The following VNN1 variants were observed in gnomAD, a reference collection of about 807,000 sequenced individuals.
The protein encoded by VNN1 is vanin 1.
In VNN1, 29 loss-of-function variants were observed where a neutral mutation model predicts 41.9. The observed-to-expected ratio is 0.69, with a 90% CI of 0.52 to 0.94. VNN1 has a LOEUF of 0.94. Among genes scored for constraint, VNN1 ranks in the 40% least tolerant of loss-of-function variants. VNN1 has a pLI of 0.00. For missense variants in VNN1, 637 were observed against 621.1 expected (o/e 1.03, Z -0.27); for synonymous variants, 233 against 224.4 (o/e 1.04, Z -0.34).
In VNN1 at chr6:132,710,073, G is replaced by A. The variant is rs45446694; in HGVS notation, c.341+1636C>T. On this transcript the variant is annotated intron_variant, in intron 2 of 6. Transcript: ENST00000367928. ...TGTTTGTTTGTTTGTTTTTGAGACA[G>A]AGTCTAGCTCTGTTACCCAGGCTGG... Among the ~76,000 whole-genome samples the A allele has an allele frequency of 3.3e-4, 50 of 152,220 alleles. No individual in the cohort carries two copies. In the South Asian group the frequency reaches 0.01, roughly 32 times the overall value.
chr6:132,691,205 G>C lies in VNN1; in HGVS notation c.1188+1018C>G, dbSNP rs575194759. On this transcript the variant is annotated intron_variant, in intron 5 of 6. Coordinates refer to ENST00000367928, the MANE Select transcript of VNN1 (RefSeq NM_004666.3). ...AAGAAATTTGATTTGTCAATTAGAA[G>C]TCAGTGAAGAATTTTAAGCCAGACA... 3.6e-4 allele frequency among the ~76,000 whole-genome samples: 55 copies of C among 152,300 alleles called. No individual in the cohort carries two copies. The South Asian group carries it at 0.011, about 31-fold the overall frequency.
intron 2 of VNN1, among the ~76,000 whole-genome samples, chr6:132,698,091 C>T (rs1212426456): frequency 1.3e-5 from 2 of 152,226 alleles, no homozygotes; most frequent in African/African-American, 2.4e-5. Context: ...AATTAGACCA[C>T]ATGTCCTAAT....
chr6:132,688,665 A>C (rs1778238014), intron 5 of VNN1, among the ~76,000 whole-genome samples: 2 of 152,214 alleles, frequency 1.3e-5, no homozygotes, highest in Non-Finnish European at 2.9e-5. Flanking sequence ...TAATTTTAAA[A>C]ATTTATATAG....
chr6:132,699,099 C>A (rs1409891498), intron 2 of VNN1: 2 of 289,902 alleles, frequency 6.9e-6, no homozygotes, highest in South Asian at 8.7e-5. Flanking sequence ...GCTGTAAAAT[C>A]AATAGAAGAG....
At position 132,691,278 on chromosome 6, in the gene VNN1, G is replaced by A. The variant is rs570800716; in HGVS notation, c.1188+945C>T. ...TTTGTGATTTCTGTAACTACAATAT[G>A]GAGAACTGACTGGATGGAGCTGAGA... is the stretch of plus-strand genomic sequence containing the variant. On this transcript the variant is annotated intron_variant, in intron 5 of 6. Transcript: ENST00000367928. Among the ~76,000 whole-genome samples, 4 of 152,312 alleles carry A rather than the reference G, an allele frequency of 2.6e-5. No individual in the cohort carries two copies. The South Asian group carries it at 8.3e-4, about 32-fold the overall frequency.
chr6:132,685,086 CT>C (rs1778187743), intron 5 of VNN1, among the ~76,000 whole-genome samples: 1 of 152,208 alleles, frequency 6.6e-6, no homozygotes, highest in Non-Finnish European at 1.5e-5. Flanking sequence ...AATAAAAGAG[CT>C]TCAGAGTTGT....
rs1008433378 is a variant in VNN1 at position 132,693,188 on chromosome 6, A to G, written c.662T>C (p.Val221Ala). The G allele has an allele frequency of 7.4e-6, 12 of 1,614,082 alleles. No homozygotes were observed. Among genetic ancestry groups the G allele is most frequent in the African/African-American group, 1.3e-5 (1 of 74,940 alleles). Residue 221 changes from valine (V) to alanine (A), a missense_variant, in exon 4 of 7, where the codon GTT becomes GCT. Physicochemically the swap from Val to Ala is moderately conservative, Grantham distance 64. Transcript: ENST00000367928. The part of the protein sequence containing the change: ...CFDILFHDPA[V>A]TLVKDFHVDT... ...CACGTGGAAATCTTTCACCAAGGTA[A>G]CAGCAGGATCATGGAAGAGTATATC...
At chr6:132,696,395 G>A (rs1232784958) in intron 2 of VNN1, among the ~76,000 whole-genome samples, 1 of 152,140 alleles carries the variant, frequency 6.6e-6, no homozygotes, top group Non-Finnish European at 1.5e-5. Flanking sequence ...GAGATTATTT[G>A]AAGAAATAAT....
rs1778108728 is a variant in VNN1, at chr6:132,680,889, A to G, written c.*2251T>C. Reference sequence around the variant, plus strand: ...TATTTAATTTAATTATTCAATGTATAGAAAGTTTTTTAGTGTAGTGCTTTT... The same window carrying G: ...TATTTAATTTAATTATTCAATGTATGGAAAGTTTTTTAGTGTAGTGCTTTT... On this transcript the variant is annotated 3_prime_UTR_variant, in exon 7 of 7. Transcript: ENST00000367928. 6.6e-6 allele frequency among the ~76,000 whole-genome samples: 1 copy of G among 152,224 alleles called. No homozygotes were observed. Among genetic ancestry groups the G allele is most frequent in the South Asian group, 2.1e-4 (1 of 4,834 alleles).
intron 2 of VNN1, among the ~76,000 whole-genome samples, chr6:132,711,069 T>G (rs760057123): frequency 2.0e-5 from 3 of 152,232 alleles, no homozygotes; most frequent in Non-Finnish European, 4.4e-5. Context: ...CCATTCTAAC[T>G]GGCGTTGTGC....
chr6:132,707,999 A>T (rs1415117102), intron 2 of VNN1, among the ~76,000 whole-genome samples: 1 of 152,234 alleles, frequency 6.6e-6, no homozygotes, highest in Admixed American at 6.5e-5. Context: ...TCATGATGTG[A>T]TTGTTACCAT....
At chr6:132,710,547 G>A (rs773727001) in intron 2 of VNN1, among the ~76,000 whole-genome samples, 4 of 151,908 alleles carry the variant, frequency 2.6e-5, no homozygotes, top group African/African-American at 4.8e-5. Context: ...GACAGGCCCC[G>A]GTGTGTGATG....
intron 5 of VNN1, among the ~76,000 whole-genome samples, chr6:132,691,287 AC>A (rs1778280467): frequency 6.6e-6 from 1 of 152,178 alleles, no homozygotes; most frequent in African/African-American, 2.4e-5. Flanking sequence ...TGGAGAACTG[AC>A]TGGATGGAGC....
At chr6:132,710,476 A>G (rs571035439) in intron 2 of VNN1, among the ~76,000 whole-genome samples, 144 of 152,154 alleles carry the variant, frequency 9.5e-4, no homozygotes, top group Non-Finnish European at 1.7e-3. Context: ...GCACCCACCA[A>G]CCCATCATCT....
At chr6:132,691,414 G>T (rs1453195198) in intron 5 of VNN1, among the ~76,000 whole-genome samples, 1 of 151,952 alleles carries the variant, frequency 6.6e-6, no homozygotes, top group Non-Finnish European at 1.5e-5. Context: ...AGCAATGAGA[G>T]ATTGGATCTT....
intron 5 of VNN1, among the ~76,000 whole-genome samples, chr6:132,690,253 A>G (rs919526534): frequency 6.6e-6 from 1 of 152,180 alleles, no homozygotes; most frequent in Non-Finnish European, 1.5e-5. Flanking sequence ...CACAGAATAA[A>G]GGCTGAATCT....
intron 2 of VNN1, among the ~76,000 whole-genome samples, chr6:132,705,637 A>T (rs529828502): frequency 6.6e-6 from 1 of 152,282 alleles, no homozygotes; most frequent in African/African-American, 2.4e-5. Context: ...TTTCACCACT[A>T]TTATTCAACA....
chr6:132,694,852 CAAAA>C (rs766970358), intron 2 of VNN1, among the ~76,000 whole-genome samples: 49 of 151,530 alleles, frequency 3.2e-4, no homozygotes, highest in Non-Finnish European at 6.5e-4. Flanking sequence ...AACCCTGTCT[CAAAA>C]AACAAATTTT....
chr6:132,712,874 C>T (rs140040226), intron 1 of VNN1, among the ~76,000 whole-genome samples: 53 of 152,302 alleles, frequency 3.5e-4, no homozygotes, highest in African/African-American at 1.2e-3. Flanking sequence ...GTAGCTCATG[C>T]CTGTAATCCC....
Sources: allele counts gnomAD v4.1 joint callset (sites outside exome capture counted in the v4.1 genomes callset), GRCh38; gene constraint gnomAD v4.1.1; transcripts MANE v1.5; gene names NCBI Gene and HGNC (gene_info 2026-07-23, HGNC 2026-07-21).